The following ZBTB16 variants were observed in gnomAD, a reference collection of about 807,000 sequenced individuals.
ZBTB16 encodes the protein zinc finger and BTB domain-containing protein 16.
A neutral mutation model predicts 56.8 loss-of-function variants in ZBTB16; 8 were observed. The observed-to-expected ratio is 0.14, with a 90% CI of 0.08 to 0.25. The LOEUF is 0.25. ZBTB16 is among the 10% of genes least tolerant of loss of function. The pLI is 1.00. For synonymous variants in ZBTB16, 363 were observed against 368.5 expected (o/e 0.98, Z 0.17); for missense variants, 625 against 903.0 (o/e 0.69, Z 3.95).
chr11:114,085,711 A>T (rs1939935569), intron 2 of ZBTB16, among the ~76,000 whole-genome samples: 1 of 152,036 alleles, frequency 6.6e-6, no homozygotes, highest in Non-Finnish European at 1.5e-5. Context: ...GAGGTAGGAG[A>T]TGAGCTAATG....
chr11:114,232,222 C>T (rs977572543), intron 4 of ZBTB16, among the ~76,000 whole-genome samples: 1 of 152,162 alleles, frequency 6.6e-6, no homozygotes, highest in African/African-American at 2.4e-5. Context: ...CAGAGGGTTA[C>T]AGGCAGAATA....
intron 6 of ZBTB16, among the ~76,000 whole-genome samples, chr11:114,249,741 T>C (rs1266639760): frequency 1.7e-5 from 2 of 117,562 alleles, no homozygotes; most frequent in Non-Finnish European, 3.2e-5. Context: ...GTCCGCAGTC[T>C]GGCCTGGGCG....
intron 2 of ZBTB16, among the ~76,000 whole-genome samples, chr11:114,140,015 T>C (rs1411682297): frequency 6.6e-6 from 1 of 152,124 alleles, no homozygotes; most frequent in African/African-American, 2.4e-5. Context: ...CGAACAATGC[T>C]TCCCTCTTTG....
At chr11:114,199,362 C>A (rs555289117) in intron 4 of ZBTB16, among the ~76,000 whole-genome samples, 3 of 138,394 alleles carry the variant, frequency 2.2e-5, no homozygotes, top group South Asian at 2.3e-4. Context: ...CGGGACGGGG[C>A]TGCTGGACAT....
intron 1 of ZBTB16, among the ~76,000 whole-genome samples, chr11:114,062,810 G>A (rs79962437): frequency 0.028 from 4,290 of 152,298 alleles, 84 homozygotes; most frequent in Non-Finnish European, 0.043. Flanking sequence ...GACAAGGAAG[G>A]GGCTAAAGTC....
At chr11:114,128,198 G>C (rs1941563673) in intron 2 of ZBTB16, among the ~76,000 whole-genome samples, 1 of 152,254 alleles carries the variant, frequency 6.6e-6, no homozygotes, top group African/African-American at 2.4e-5. Context: ...AGCCACTAGA[G>C]CTATGTCTCT....
chr11:114,071,420 G>A (rs1395122817), intron 2 of ZBTB16, among the ~76,000 whole-genome samples: 1 of 151,986 alleles, frequency 6.6e-6, no homozygotes, highest in Non-Finnish European at 1.5e-5. Flanking sequence ...CATCACTATT[G>A]GATGGAGCCG....
At chr11:114,086,657 C>T (rs1241084249) in intron 2 of ZBTB16, among the ~76,000 whole-genome samples, 1 of 152,138 alleles carries the variant, frequency 6.6e-6, no homozygotes, top group Non-Finnish European at 1.5e-5. Context: ...TTAACACATC[C>T]CATCCTCACA....
intron 2 of ZBTB16, among the ~76,000 whole-genome samples, chr11:114,086,484 TAA>T (rs1939961702): frequency 6.6e-6 from 1 of 152,190 alleles, no homozygotes; most frequent in African/African-American, 2.4e-5. Context: ...CGTTTGAGTT[TAA>T]GTTTTATCCC....
At chr11:114,111,927 A>G (rs1265761899) in intron 2 of ZBTB16, among the ~76,000 whole-genome samples, 1 of 152,140 alleles carries the variant, frequency 6.6e-6, no homozygotes, top group African/African-American at 2.4e-5. Flanking sequence ...AGTCTGTTTT[A>G]AACATTTTTT....
intron 2 of ZBTB16, among the ~76,000 whole-genome samples, chr11:114,103,025 T>C (rs546247211): frequency 6.6e-6 from 1 of 152,330 alleles, no homozygotes; most frequent in African/African-American, 2.4e-5. Flanking sequence ...AAGAACCTTA[T>C]TTGAAGGCAA....
chr11:114,215,624 G>A (rs1022817687), intron 4 of ZBTB16, among the ~76,000 whole-genome samples: 49 of 152,230 alleles, frequency 3.2e-4, no homozygotes, highest in African/African-American at 1.0e-3. Context: ...AGCCGCATTA[G>A]GTTAGACATT....
chr11:114,092,878 G>T (rs1343368926), intron 2 of ZBTB16, among the ~76,000 whole-genome samples: 1 of 152,080 alleles, frequency 6.6e-6, no homozygotes, highest in Non-Finnish European at 1.5e-5. Context: ...CCTGGCTCTT[G>T]AGGGTTCTTT....
At chr11:114,136,689 G>A (rs1941805646) in intron 2 of ZBTB16, among the ~76,000 whole-genome samples, 1 of 152,090 alleles carries the variant, frequency 6.6e-6, no homozygotes, top group Admixed American at 6.5e-5. Flanking sequence ...GCAGATCACT[G>A]CCTACTAAAA....
intron 2 of ZBTB16, among the ~76,000 whole-genome samples, chr11:114,108,308 C>G (rs1043054503): frequency 3.9e-5 from 6 of 152,142 alleles, no homozygotes; most frequent in Non-Finnish European, 7.3e-5. Flanking sequence ...GCTAGAACAC[C>G]TATCATCTCC....
intron 3 of ZBTB16, among the ~76,000 whole-genome samples, chr11:114,183,702 T>C (rs636577): frequency 0.19 from 28,945 of 152,200 alleles, 3,061 homozygotes; most frequent in African/African-American, 0.3. Flanking sequence ...CAGAAAATCA[T>C]TGATGGCTGA....
At chr11:114,117,683 A>G (rs1478808748) in intron 2 of ZBTB16, among the ~76,000 whole-genome samples, 3 of 152,170 alleles carry the variant, frequency 2.0e-5, no homozygotes, top group Non-Finnish European at 4.4e-5. Flanking sequence ...TGGAAAAACT[A>G]TATAGAGGTA....
At chr11:114,237,856 AG>A (rs1235292451) in intron 4 of ZBTB16, among the ~76,000 whole-genome samples, 2 of 152,062 alleles carry the variant, frequency 1.3e-5, no homozygotes, top group Non-Finnish European at 2.9e-5. Context: ...CTATCATCAT[AG>A]CTGTTAGTTT....
intron 2 of ZBTB16, among the ~76,000 whole-genome samples, chr11:114,098,541 T>TA (rs5794903): frequency 3.1e-4 from 44 of 144,054 alleles, no homozygotes; most frequent in African/African-American, 6.5e-4. Flanking sequence ...TGACTTAAAT[T>TA]AAAAAAAAAA....
Sources: allele counts gnomAD v4.1 joint callset (sites outside exome capture counted in the v4.1 genomes callset), GRCh38; gene constraint gnomAD v4.1.1; transcripts MANE v1.5; gene names NCBI Gene and HGNC (gene_info 2026-07-23, HGNC 2026-07-21).